The following CFAP299 variants were observed in gnomAD, a reference collection of about 807,000 sequenced individuals.
CFAP299 encodes the protein cilia- and flagella-associated protein 299.
CFAP299 carries 21 observed loss-of-function variants against 27.0 expected under a neutral mutation model. The ratio of observed to expected loss-of-function variants is 0.78; its 90% CI spans 0.55 to 1.12. CFAP299 has a LOEUF of 1.12. Ranked by LOEUF, CFAP299 falls within the 50% of genes most tolerant of loss-of-function variation. CFAP299 has a pLI of 0.00. For synonymous variants in CFAP299, 104 were observed against 98.1 expected (o/e 1.06, Z -0.36); for missense variants, 310 against 276.6 (o/e 1.12, Z -0.86).
intron 2 of CFAP299, among the ~76,000 whole-genome samples, chr4:80,365,779 A>T (rs1211291651): frequency 6.6e-6 from 1 of 152,220 alleles, no homozygotes. Flanking sequence ...TTTATGAGTG[A>T]TATAAGCTAT....
intron 3 of CFAP299, among the ~76,000 whole-genome samples, chr4:80,583,495 A>G (rs1435956239): frequency 1.3e-5 from 2 of 151,778 alleles, no homozygotes. Context: ...CTCTTCTTAC[A>G]TTCTCCCAAG....
chr4:80,519,861 A>T (rs1233619241), intron 2 of CFAP299, among the ~76,000 whole-genome samples: 2 of 152,210 alleles, frequency 1.3e-5, no homozygotes, highest in African/African-American at 4.8e-5. Flanking sequence ...AACAAAAGCA[A>T]AATGAGCAAG....
upstream of CFAP299, among the ~76,000 whole-genome samples, chr4:80,332,873 G>C (rs1284775911): frequency 6.6e-6 from 1 of 152,076 alleles, no homozygotes; most frequent in African/African-American, 2.4e-5. Flanking sequence ...TTTCCATGTA[G>C]CCAAAAAGCT....
intron 2 of CFAP299, among the ~76,000 whole-genome samples, chr4:80,392,315 G>A (rs1202517496): frequency 6.6e-6 from 1 of 152,182 alleles, no homozygotes; most frequent in Admixed American, 6.5e-5. Flanking sequence ...TGTTGGAAGG[G>A]CATGATTGTG....
intron 2 of CFAP299, among the ~76,000 whole-genome samples, chr4:80,393,718 C>T (rs1161736555): frequency 3.3e-5 from 5 of 152,046 alleles, no homozygotes; most frequent in African/African-American, 1.2e-4. Context: ...TCAGTACACT[C>T]TATGATGTTC....
At chr4:80,606,512 G>T (rs1737686133) in intron 3 of CFAP299, among the ~76,000 whole-genome samples, 1 of 152,106 alleles carries the variant, frequency 6.6e-6, no homozygotes, top group African/African-American at 2.4e-5. Flanking sequence ...TCCAGCCTGG[G>T]CAACAGAGCG....
At chr4:80,732,606 A>G (rs2110056926) in intron 3 of CFAP299, among the ~76,000 whole-genome samples, 1 of 152,218 alleles carries the variant, frequency 6.6e-6, no homozygotes, top group Admixed American at 6.5e-5. Flanking sequence ...TCCTTCCATC[A>G]CAAACTCTTC....
chr4:80,535,083 G>A (rs919428572), intron 2 of CFAP299, among the ~76,000 whole-genome samples: 1 of 152,102 alleles, frequency 6.6e-6, no homozygotes, highest in East Asian at 1.9e-4. Context: ...ATTTGTGTGT[G>A]TGTGCCTATT....
At chr4:80,706,175 G>A (rs1721807060) in intron 3 of CFAP299, among the ~76,000 whole-genome samples, 1 of 151,504 alleles carries the variant, frequency 6.6e-6, no homozygotes, top group Non-Finnish European at 1.5e-5. Context: ...TCAAATGTAG[G>A]CTCTTATAAG....
At chr4:80,850,402 T>G (rs1165474158) in intron 3 of CFAP299, among the ~76,000 whole-genome samples, 1 of 152,036 alleles carries the variant, frequency 6.6e-6, no homozygotes, top group Non-Finnish European at 1.5e-5. Flanking sequence ...AAGGTTCATT[T>G]GAGGAACAGA....
At chr4:80,730,183 CT>C (rs1470710739) in intron 3 of CFAP299, among the ~76,000 whole-genome samples, 2 of 151,534 alleles carry the variant, frequency 1.3e-5, no homozygotes, top group Non-Finnish European at 2.9e-5. Context: ...TGCTCCACAG[CT>C]TCCTTCTCTT....
intron 2 of CFAP299, among the ~76,000 whole-genome samples, chr4:80,427,604 A>C (rs1727589892): frequency 6.6e-6 from 1 of 152,186 alleles, no homozygotes; most frequent in African/African-American, 2.4e-5. Flanking sequence ...TCATTGTTTT[A>C]AAATTGGATC....
At chr4:80,458,210 A>G (rs1316555769) in intron 2 of CFAP299, among the ~76,000 whole-genome samples, 4 of 152,370 alleles carry the variant, frequency 2.6e-5, no homozygotes, top group South Asian at 2.1e-4. Flanking sequence ...CAAGAGTCAC[A>G]TGAATATACA....
chr4:80,522,448 A>C (rs997788312), intron 2 of CFAP299, among the ~76,000 whole-genome samples: 3 of 152,074 alleles, frequency 2.0e-5, no homozygotes, highest in African/African-American at 7.2e-5. Context: ...CCATTTCTGT[A>C]GGTTGCCCTT....
intron 3 of CFAP299, among the ~76,000 whole-genome samples, chr4:80,595,211 C>A (rs1392655074): frequency 6.6e-6 from 1 of 152,086 alleles, no homozygotes; most frequent in Non-Finnish European, 1.5e-5. Context: ...CTGAATTTCT[C>A]TAGGGCTCTG....
intron 3 of CFAP299, among the ~76,000 whole-genome samples, chr4:80,702,853 G>GT (rs1306639535): frequency 6.6e-6 from 1 of 151,640 alleles, no homozygotes; most frequent in African/African-American, 2.4e-5. Flanking sequence ...GATTTGTGGC[G>GT]TATCTCTGTA....
chr4:80,327,684 G>A, the CFAP299 span, among the ~76,000 whole-genome samples: 3 of 15,946 alleles, frequency 1.9e-4, no homozygotes, highest in East Asian at 1.5e-3. Flanking sequence ...TATATATAGA[G>A]AGAAGTTATA....
chr4:80,322,833 C>T, the CFAP299 span, among the ~76,000 whole-genome samples: 1 of 152,170 alleles, frequency 6.6e-6, no homozygotes, highest in African/African-American at 2.4e-5. Flanking sequence ...TCAAATCACA[C>T]CACATTACAG....
chr4:80,781,832 TA>T lies in CFAP299; in HGVS notation c.334-88149del, dbSNP rs879798534. 7.8e-3 allele frequency among the ~76,000 whole-genome samples: 1,022 copies of T among 131,658 alleles called. 8 individuals are homozygous for T. Among genetic ancestry groups the T allele is most frequent in the African/African-American group, 0.02 (703 of 36,050 alleles). 86.4% of individuals were successfully genotyped at this position (131,658 alleles called of 152,430 possible). Reference sequence around the variant, plus strand: ...CTCAAATTGCTAAGCCACAATAGAATAAAAAAAAAAAAGGTCCCTTAGAAAG... The same window carrying T: ...CTCAAATTGCTAAGCCACAATAGAATAAAAAAAAAAAGGTCCCTTAGAAAG... On this transcript the variant is annotated intron_variant, in intron 3 of 5. Coordinates refer to ENST00000358105, the MANE Select transcript of CFAP299 (RefSeq NM_152770.3).
Sources: gnomAD v4.1 joint callset for allele counts (sites outside exome capture counted in the v4.1 genomes callset) on GRCh38, gnomAD v4.1.1 for gene constraint, MANE v1.5 for transcripts, NCBI Gene and HGNC (gene_info 2026-07-23, HGNC 2026-07-21) for gene names.